Variants in GPATCH8 observed in about 807,000 individuals in gnomAD.
GPATCH8 encodes G patch domain-containing protein 8.
In GPATCH8, 18 loss-of-function variants were observed where a neutral mutation model predicts 118.3. The ratio of observed to expected loss-of-function variants is 0.15; its 90% CI spans 0.11 to 0.23. GPATCH8 has a LOEUF of 0.23. Among genes scored for constraint, GPATCH8 ranks in the 10% least tolerant of loss-of-function variants. GPATCH8 has a pLI of 1.00. For synonymous variants in GPATCH8, 659 were observed against 684.7 expected (o/e 0.96, Z 0.59); for missense variants, 1,631 against 1,873.8 (o/e 0.87, Z 2.39).
chr17:44,497,374 G>A (rs1244249938), intron 1 of GPATCH8, among the ~76,000 whole-genome samples: 1 of 152,078 alleles, frequency 6.6e-6, no homozygotes, highest in African/African-American at 2.4e-5. Flanking sequence ...AGGATAGCTT[G>A]AGCTCAGGAG....
At chr17:44,501,492 AGTATAC>A (rs1970067297) in intron 1 of GPATCH8, among the ~76,000 whole-genome samples, 1 of 152,168 alleles carries the variant, frequency 6.6e-6, no homozygotes, top group South Asian at 2.1e-4. Context: ...CAGAAAATGA[AGTATAC>A]GTATCATCTT....
At chr17:44,436,573 A>G (rs754246957) in intron 3 of GPATCH8, 28 bp from the exon 4 acceptor site, 7 of 1,161,704 alleles carry the variant, frequency 6.0e-6, no homozygotes, top group Non-Finnish European at 7.8e-6. Context: ...AATCAAGGTA[A>G]GGTGCAAAGC....
In GPATCH8 at chr17:44,398,891, A is replaced by G; in HGVS notation, c.3186T>C (p.Gly1062=). 6.2e-7 allele frequency: 1 copy of G among 1,613,906 alleles called. No homozygotes were observed. Among genetic ancestry groups the G allele is most frequent in the Non-Finnish European group, 8.5e-7 (1 of 1,179,910 alleles). Reference sequence around the variant, plus strand: ...CAATGTTGCTGTTCTGGGAAGGTGGACCTGTTGCTTTACTGTCATCTCCTC... The same window carrying G: ...CAATGTTGCTGTTCTGGGAAGGTGGGCCTGTTGCTTTACTGTCATCTCCTC... ...DGRGDDSKAT[G]PPSQNSNIGT... Residue 1062 remains glycine (G), a synonymous_variant, in exon 8 of 8, where the codon GGT becomes GGC. Coordinates refer to ENST00000591680, the MANE Select transcript of GPATCH8 (RefSeq NM_001002909.4).
chr17:44,400,740 A>G lies in GPATCH8; in HGVS notation c.1337T>C (p.Ile446Thr). Residue 446 changes from isoleucine (I) to threonine (T), a missense_variant, in exon 8 of 8, where the codon ATC becomes ACC. By Grantham distance (89) the Ile-to-Thr change is moderately conservative. Around this residue, in one of 8 missense-constraint regions of GPATCH8, gnomAD observed 405 missense variants for 462.7 expected, o/e 0.88. Transcript: ENST00000591680. ...KGSSPKPKSC[I>T]KAAASQGAEK... ...TGCTCCTTGGCTTGCTGCCGCCTTGATGCAGCTTTTAGGCTTGGGAGAACT... is the reference window on the plus strand; with the variant it reads ...TGCTCCTTGGCTTGCTGCCGCCTTGGTGCAGCTTTTAGGCTTGGGAGAACT... The G allele has an allele frequency of 1.2e-6, 2 of 1,612,972 alleles. No individual in the cohort carries two copies. Among genetic ancestry groups the G allele is most frequent in the Non-Finnish European group, 1.7e-6 (2 of 1,179,322 alleles).
intron 5 of GPATCH8, among the ~76,000 whole-genome samples, chr17:44,426,113 T>C (rs936982099): frequency 2.0e-5 from 3 of 151,988 alleles, no homozygotes; most frequent in African/African-American, 7.3e-5. Flanking sequence ...TTTCAGAAAA[T>C]GGCAAAACAT....
At chr17:44,457,998 T>C (rs949416383) in intron 3 of GPATCH8, among the ~76,000 whole-genome samples, 3 of 150,340 alleles carry the variant, frequency 2.0e-5, no homozygotes, top group African/African-American at 4.9e-5. Context: ...GGCAGGAGAA[T>C]GGCGTGAACC....
At chr17:44,499,049 T>G (rs549589873) in intron 1 of GPATCH8, among the ~76,000 whole-genome samples, 1 of 152,210 alleles carries the variant, frequency 6.6e-6, no homozygotes, top group African/African-American at 2.4e-5. Flanking sequence ...ATTACTTACA[T>G]AGATTACAGA....
intron 1 of GPATCH8, among the ~76,000 whole-genome samples, chr17:44,476,025 A>T (rs1967744848): frequency 6.6e-6 from 1 of 151,488 alleles, no homozygotes; most frequent in Non-Finnish European, 1.5e-5. Flanking sequence ...ACGAGATCCT[A>T]TTTCAAACAA....
Position 44,399,181 on chromosome 17 carries a change from T to A in GPATCH8, c.2896A>T (p.Ser966Cys), listed in dbSNP as rs759352993. Residue 966 changes from serine to cysteine, a missense_variant, in exon 8 of 8, where the codon AGT becomes TGT. Physicochemically the swap from Ser to Cys is moderately radical, Grantham distance 112. Coordinates refer to ENST00000591680, the MANE Select transcript of GPATCH8 (RefSeq NM_001002909.4). Reference sequence around the variant, plus strand: ...CTTCTCCGCTTGCTTCGACTACGACTACAACTGCTGCTGCGGCTGCGGCCC... The same window carrying A: ...CTTCTCCGCTTGCTTCGACTACGACAACAACTGCTGCTGCGGCTGCGGCCC... ...SRGRSRSSSC[S>C]RSRSKRRSRS... The A allele has an allele frequency of 1.2e-6, 2 of 1,612,424 alleles. No individual in the cohort carries two copies. The highest frequency in any genetic ancestry group is 1.7e-6 in the Non-Finnish European group (2 of 1,178,670).
chr17:44,486,244 A>AT (rs1311538677), intron 1 of GPATCH8: 3 of 151,576 alleles, frequency 2.0e-5, no homozygotes, highest in African/African-American at 7.3e-5. Context: ...CCCTTTCTCC[A>AT]TTTTTTCCAT....
At chr17:44,458,479 C>G (rs2071036348) in intron 3 of GPATCH8, among the ~76,000 whole-genome samples, 1 of 151,932 alleles carries the variant, frequency 6.6e-6, no homozygotes, top group Admixed American at 6.6e-5. Context: ...AGATATTTTC[C>G]CCAGTCTGTT....
At chr17:44,422,639 C>A (rs1598449955) in intron 6 of GPATCH8, among the ~76,000 whole-genome samples, 1 of 151,902 alleles carries the variant, frequency 6.6e-6, no homozygotes, top group African/African-American at 2.4e-5. Context: ...TACAGGCGCT[C>A]GCTACCAGGC....
chr17:44,427,736 C>A (rs2050140046), intron 5 of GPATCH8, among the ~76,000 whole-genome samples: 1 of 151,964 alleles, frequency 6.6e-6, no homozygotes, highest in South Asian at 2.1e-4. Context: ...AAGCCACATA[C>A]TAAGAATGGC....
At chr17:44,418,938 G>T (rs2049792236) in intron 6 of GPATCH8, among the ~76,000 whole-genome samples, 1 of 152,204 alleles carries the variant, frequency 6.6e-6, no homozygotes, top group Admixed American at 6.5e-5. Context: ...ATCAGCTTCT[G>T]TATCTCTGAA....
intron 1 of GPATCH8, chr17:44,486,258 TTTTCTTTTC>T (rs1968774390): frequency 6.6e-6 from 1 of 152,212 alleles, no homozygotes; most frequent in African/African-American, 2.4e-5. Flanking sequence ...TTTCCATTTC[TTTTCTTTTC>T]TTTCTTTTCT....
chr17:44,443,028 T>G (rs2050756223), intron 3 of GPATCH8, among the ~76,000 whole-genome samples: 1 of 152,098 alleles, frequency 6.6e-6, no homozygotes, highest in African/African-American at 2.4e-5. Flanking sequence ...GAGTGAGCTA[T>G]CATCGCACCA....
intron 2 of GPATCH8, chr17:44,467,301 A>G (rs1243537260): frequency 3.7e-6 from 1 of 271,646 alleles, no homozygotes; most frequent in African/African-American, 2.2e-5. Flanking sequence ...TGTGACTGAC[A>G]ACAGTGAAAG....
At chr17:44,454,374 T>A (rs1319796892) in intron 3 of GPATCH8, among the ~76,000 whole-genome samples, 1 of 152,202 alleles carries the variant, frequency 6.6e-6, no homozygotes. Context: ...CCCTCTGCCT[T>A]AAACTTTTGA....
At chr17:44,488,265 C>T (rs1319703974) in intron 1 of GPATCH8, among the ~76,000 whole-genome samples, 1 of 132,276 alleles carries the variant, frequency 7.6e-6, no homozygotes, top group Non-Finnish European at 1.6e-5. Context: ...CTCACTCTGT[C>T]GCCCAGGCTG....
Sources: gnomAD v4.1 joint callset for allele counts (sites outside exome capture counted in the v4.1 genomes callset) on GRCh38, gnomAD v4.1.1 for gene constraint, gnomAD v4.1.1 regional missense constraint, MANE v1.5 for transcripts, NCBI Gene and HGNC (gene_info 2026-07-23, HGNC 2026-07-21) for gene names.